The following FAM149A variants were observed in gnomAD, a reference collection of about 807,000 sequenced individuals.
The protein encoded by FAM149A is protein FAM149A.
A neutral mutation model predicts 78.2 loss-of-function variants in FAM149A; 71 were observed. The observed-to-expected ratio is 0.91, with a 90% CI of 0.75 to 1.11. The LOEUF (loss-of-function observed/expected upper bound fraction) is 1.11. FAM149A is among the 50% of genes least tolerant of loss of function. FAM149A has a pLI of 0.00. For synonymous variants in FAM149A, 446 were observed against 410.5 expected (o/e 1.09, Z -1.04); for missense variants, 1,036 against 971.0 (o/e 1.07, Z -0.89).
chr4:186,105,989 A>G lies in FAM149A; in HGVS notation c.566+347A>G, dbSNP rs1291078327. ...TTGAAGTCCCTTTCTTTGTCTCAGAATATAGCAGGTGTGCAGGGAAACCGA... is the reference window on the plus strand; with the variant it reads ...TTGAAGTCCCTTTCTTTGTCTCAGAGTATAGCAGGTGTGCAGGGAAACCGA... On this transcript the variant is annotated intron_variant, in intron 1 of 13. Transcript: ENST00000389354. Among the ~76,000 whole-genome samples the G allele has an allele frequency of 2.0e-5, 3 of 152,288 alleles. No homozygotes were observed. In the East Asian group the frequency reaches 5.8e-4, roughly 29 times the overall value.
At chr4:186,122,930 G>A (rs745383349) in intron 1 of FAM149A, 6 of 204,114 alleles carry the variant, frequency 2.9e-5, no homozygotes, top group Non-Finnish European at 5.2e-5. Context: ...ATCTGGTAAT[G>A]GTGACTTTCT....
intron 1 of FAM149A, chr4:186,116,305 G>T (rs1220681301): frequency 4.3e-6 from 1 of 234,744 alleles, no homozygotes; most frequent in Non-Finnish European, 6.9e-6. Flanking sequence ...GCACTCCCTA[G>T]TGAGATGCAC....
At chr4:186,140,441 C>CTTT (rs67506672) in intron 1 of FAM149A, among the ~76,000 whole-genome samples, 783 of 104,960 alleles carry the variant, frequency 7.5e-3, no homozygotes, top group African/African-American at 9.7e-3. Context: ...ACACACCTAG[C>CTTT]TTTTTTTTTT....
Position 186,163,636 on chromosome 4 carries a change from GA to G in FAM149A, c.1889+4del, listed in dbSNP as rs1561416614. ...GAAGTTCTTCGGGGAACAAAACTGT[GA>G]GTCTCATTTCTTTCATAGTAAACTA... On this transcript the variant is annotated splice_donor_region_variant and intron_variant, in intron 10 of 13. Transcript: ENST00000389354. The G allele has an allele frequency of 1.2e-6, 2 of 1,610,478 alleles. No individual in the cohort carries two copies. Among genetic ancestry groups the G allele is most frequent in the Middle Eastern group, 3.3e-4 (2 of 6,056 alleles).
intron 8 of FAM149A, among the ~76,000 whole-genome samples, chr4:186,159,508 G>C (rs1734339475): frequency 6.6e-6 from 1 of 152,120 alleles, no homozygotes; most frequent in African/African-American, 2.4e-5. Flanking sequence ...ATAGTGGCAA[G>C]AACAGGGGAT....
rs1735640298 is a variant in FAM149A, at chr4:186,173,705, G to A, written c.*1718G>A. ...TGAGACACATTAGGCAGCAGCAGCAGCAGCAGCAGCAGCGACCACCAGGTC... is the reference window on the plus strand; with the variant it reads ...TGAGACACATTAGGCAGCAGCAGCAACAGCAGCAGCAGCGACCACCAGGTC... On this transcript the variant is annotated 3_prime_UTR_variant, in exon 14 of 14. Transcript: ENST00000389354. 8.9e-6 allele frequency among the ~76,000 whole-genome samples: 1 copy of A among 111,992 alleles called. No homozygotes were observed. The highest frequency in any genetic ancestry group is 8.8e-5 in the Admixed American group (1 of 11,388). 73.5% of individuals were successfully genotyped at this position (111,992 alleles called of 152,430 possible). A position where few individuals can be genotyped will look rare whatever the true frequency, so the allele number is the denominator to read the frequency against.
At chr4:186,131,791 A>T in intron 1 of FAM149A, 1 of 548,870 alleles carries the variant, frequency 1.8e-6, no homozygotes, top group Non-Finnish European at 2.3e-6. Context: ...GAGGATAGGT[A>T]AGGACCTCTG....
At position 186,149,612 on chromosome 4, in the gene FAM149A, G is replaced by A; in HGVS notation, c.697G>A (p.Gly233Arg). 1 of 1,289,928 alleles carries A rather than the reference G, an allele frequency of 7.8e-7. No homozygotes were observed. Among genetic ancestry groups the A allele is most frequent in the Non-Finnish European group, 1.0e-6 (1 of 988,916 alleles). 79.9% of individuals were successfully genotyped at this position (1,289,928 alleles called of 1,614,324 possible). A position where few individuals can be genotyped will look rare whatever the true frequency, so the allele number is the denominator to read the frequency against. ...CTCCAGCGGAAGCCATACACCCACG[G>A]GAGCCCACACCTCTTGGTCTGGGTC... Residue 233 changes from glycine (G) to arginine (R), a missense_variant, in exon 3 of 14, where the codon GGA becomes AGA. This residue lies in a region of FAM149A where 716 missense variants were observed against 711.8 expected (regional missense o/e 1.01). Transcript: ENST00000389354.
Position 186,153,846 on chromosome 4 carries a change from T to C in FAM149A, c.1058+76T>C, listed in dbSNP as rs1733810094. The C allele has an allele frequency of 2.0e-6, 3 of 1,502,010 alleles. No individual in the cohort carries two copies. In the Admixed American group the frequency reaches 5.7e-5, roughly 29 times the overall value. 93.0% of individuals were successfully genotyped at this position (1,502,010 alleles called of 1,614,324 possible). The stretch of plus-strand genomic sequence containing the variant: ...TATACTTTTTCATGTTTATCTCATC[T>C]ATAAGCCTTGGCTCCACCCATTTTG... On this transcript the variant is annotated intron_variant, in intron 5 of 13. Transcript: ENST00000389354.
chr4:186,116,424 A>G (rs1364216091), intron 1 of FAM149A: 28 of 982,166 alleles, frequency 2.9e-5, no homozygotes, highest in Non-Finnish European at 3.4e-5. Context: ...CTCCCTCATG[A>G]CCGTTACTTT....
At chr4:186,157,783 C>A (rs563388980) in intron 8 of FAM149A, 64 bp downstream of exon 8, 2 of 1,570,958 alleles carry the variant, frequency 1.3e-6, no homozygotes, top group Admixed American at 3.5e-5. Context: ...CTCAGTTTGT[C>A]GTTCTGTTAA....
chr4:186,119,131 G>A (rs1159152519), intron 1 of FAM149A, among the ~76,000 whole-genome samples: 2 of 152,062 alleles, frequency 1.3e-5, no homozygotes, highest in African/African-American at 2.4e-5. Flanking sequence ...GTCAAACCAC[G>A]CACCTTTTTG....
Position 186,164,511 on chromosome 4 carries a change from T to G in FAM149A, c.1890-833T>G. On this transcript the variant is annotated intron_variant, in intron 10 of 13. Transcript: ENST00000389354. The surrounding 1 kb of genome is among the most constrained non-coding windows in gnomAD (Gnocchi z 4.0). Reference sequence around the variant, plus strand: ...TTTCCAGATGCAGTCATAACCCCCCTTTCAGCTTTTTAATTGGTGACTGTT... The same window carrying G: ...TTTCCAGATGCAGTCATAACCCCCCGTTCAGCTTTTTAATTGGTGACTGTT... 1 of 984,296 alleles carries G rather than the reference T, an allele frequency of 1.0e-6. No homozygotes were observed. Among genetic ancestry groups the G allele is most frequent in the Non-Finnish European group, 1.2e-6 (1 of 828,906 alleles). The allele number at this position is 984,296 out of a possible 1,614,324, so 61.0% of individuals were successfully genotyped here.
chr4:186,160,739 ACACAC>A (rs1405272270), intron 8 of FAM149A: 318 of 949,808 alleles, frequency 3.3e-4, no homozygotes, highest in African/African-American at 3.3e-3. Context: ...CACACCCCAC[ACACAC>A]CACACCACAC....
intron 4 of FAM149A, among the ~76,000 whole-genome samples, chr4:186,153,017 T>G (rs946306209): frequency 6.6e-6 from 1 of 151,996 alleles, no homozygotes; most frequent in African/African-American, 2.4e-5. Context: ...CTTGACCAAC[T>G]AGGGTTGTTT....
intron 1 of FAM149A, among the ~76,000 whole-genome samples, chr4:186,107,218 A>G (rs1460774230): frequency 1.3e-5 from 2 of 152,238 alleles, no homozygotes; most frequent in African/African-American, 4.8e-5. Context: ...CTTTTAACAA[A>G]TAGGCACTGA....
chr4:186,106,854 A>G (rs1354983824), intron 1 of FAM149A, among the ~76,000 whole-genome samples: 2 of 152,064 alleles, frequency 1.3e-5, no homozygotes, highest in Admixed American at 1.3e-4. Flanking sequence ...GGCTGAGGCA[A>G]GAGGATGATG....
intron 1 of FAM149A, among the ~76,000 whole-genome samples, chr4:186,122,064 C>T (rs907692134): frequency 1.3e-5 from 2 of 152,288 alleles, no homozygotes; most frequent in East Asian, 3.9e-4. Context: ...ACTAGTTTCT[C>T]ACTTGTCTCA....
In FAM149A at chr4:186,154,560, C is replaced by G; in HGVS notation, c.1151C>G (p.Ala384Gly). The stretch of plus-strand genomic sequence containing the variant: ...GACACAGGGGTTGCTGACCTAACGG[C>G]ACGTTCATCCCTGGAAGAAGAGGTT... The change falls in exon 6 of 14, where the codon GCA becomes GGA. Residue 384 changes from alanine to glycine, a missense_variant. Ala to Gly is a moderately conservative substitution (Grantham distance 60). Coordinates refer to ENST00000389354, the MANE Select transcript of FAM149A (RefSeq NM_001367768.3). 1 of 1,614,100 alleles carries G rather than the reference C, an allele frequency of 6.2e-7. No individual in the cohort carries two copies. Among genetic ancestry groups the G allele is most frequent in the Non-Finnish European group, 8.5e-7 (1 of 1,180,002 alleles).
Sources: gnomAD v4.1 joint callset for allele counts (sites outside exome capture counted in the v4.1 genomes callset) on GRCh38, gnomAD v4.1.1 for gene constraint, gnomAD v4.1.1 regional missense constraint, Gnocchi (gnomAD v3.1) non-coding constraint, MANE v1.5 for transcripts, NCBI Gene and HGNC (gene_info 2026-07-23, HGNC 2026-07-21) for gene names.